Variants in REXO1 observed in about 807,000 individuals in gnomAD.
REXO1 encodes the protein RNA exonuclease 1 homolog, also known as REX1, RNA exonuclease 1 homolog.
A neutral mutation model predicts 102.6 loss-of-function variants in REXO1; 42 were observed. The observed-to-expected ratio is 0.41, with a 90% CI of 0.32 to 0.53. The LOEUF is 0.53. Among genes scored for constraint, REXO1 ranks in the 20% least tolerant of loss-of-function variants. REXO1 has a pLI of 0.27. For synonymous variants in REXO1, 908 were observed against 779.1 expected, an observed-to-expected ratio of 1.17 and a Z score of -2.76; for missense variants, 1,819 against 1,732.5, an observed-to-expected ratio of 1.05 and a Z score of -0.89.
At chr19:1,829,230 T>G (rs1450773040) in intron 1 of REXO1, among the ~76,000 whole-genome samples, 1 of 151,486 alleles carries the variant, frequency 6.6e-6, no homozygotes, top group East Asian at 1.9e-4. Context: ...TGGGCCACCC[T>G]GCAAAATCCA....
At chr19:1,828,949 A>C (rs3746037) in intron 1 of REXO1, among the ~76,000 whole-genome samples, 46,314 of 152,140 alleles carry the variant, frequency 0.3, 7,968 homozygotes, top group African/African-American at 0.45. Flanking sequence ...TGGGGTGGAC[A>C]CTCGACAGGC....
intron 1 of REXO1, chr19:1,830,655 T>C (rs914725568): frequency 3.1e-4 from 59 of 193,272 alleles, no homozygotes; most frequent in Non-Finnish European, 1.5e-4. Context: ...GTAGATGGTA[T>C]ATCCCCTTAG....
At chr19:1,816,841 T>C (rs757343436) in intron 12 of REXO1, 28 bp from the exon 13 acceptor site, 9 of 1,530,838 alleles carry the variant, frequency 5.9e-6, no homozygotes, top group Non-Finnish European at 3.6e-6. Flanking sequence ...ACCTCAGATG[T>C]GTCCCAGGCA....
chr19:1,824,527 T>C (rs1162010479), intron 3 of REXO1: 2 of 152,238 alleles, frequency 1.3e-5, no homozygotes, highest in African/African-American at 2.4e-5. Context: ...CAAAATAAAC[T>C]GATACTAACT....
At chr19:1,835,200 T>C (rs1204644096) in intron 1 of REXO1, among the ~76,000 whole-genome samples, 1 of 152,082 alleles carries the variant, frequency 6.6e-6, no homozygotes, top group African/African-American at 2.4e-5. Flanking sequence ...CAGGGTGGCA[T>C]GTGCATGCTG....
rs779159322 is a variant in REXO1, at chr19:1,827,550, C to G, written c.1239G>C (p.Ala413=). 1 of 1,591,924 alleles carries G rather than the reference C, an allele frequency of 6.3e-7. No homozygotes were observed. Among genetic ancestry groups the G allele is most frequent in the East Asian group, 2.2e-5 (1 of 44,648 alleles). The change falls in exon 2 of 16, where the codon GCG becomes GCC. Residue 413 remains alanine, a synonymous_variant. Transcript: ENST00000170168. ...GRGRPVEKPR[A]DKKGPQASSP... ...TGCTGGCCTGCGGGCCCTTCTTGTCCGCACGGGGCTTCTCCACAGGCCGCC... is the reference window on the plus strand; with the variant it reads ...TGCTGGCCTGCGGGCCCTTCTTGTCGGCACGGGGCTTCTCCACAGGCCGCC...
chr19:1,830,269 G>A (rs908209939), intron 1 of REXO1, among the ~76,000 whole-genome samples: 1 of 152,228 alleles, frequency 6.6e-6, no homozygotes, highest in Non-Finnish European at 1.5e-5. Flanking sequence ...AGCACTTTGG[G>A]AGGCTGAGGC....
rs961122942 is a variant in REXO1 at position 1,815,708 on chromosome 19, G to A, written c.*358C>T. The A allele has an allele frequency of 3.2e-5, 44 of 1,361,428 alleles. No homozygotes were observed. Among genetic ancestry groups the A allele is most frequent in the Middle Eastern group, 5.6e-4 (2 of 3,558 alleles). 84.3% of individuals were successfully genotyped at this position (1,361,428 alleles called of 1,614,324 possible). ...AACAAACCTGGGACAAGCCCGCCCC[G>A]CGACCCACGTGAGGAGCAGAGGTGC... On this transcript the variant is annotated 3_prime_UTR_variant, in exon 16 of 16. Coordinates refer to ENST00000170168, the MANE Select transcript of REXO1 (RefSeq NM_020695.4). The surrounding 1 kb of genome is among the most constrained non-coding windows in gnomAD (Gnocchi z 4.0).
At chr19:1,816,844 C>T (rs1438915576) in intron 12 of REXO1, 31 bp from the exon 13 acceptor site, 9 of 1,532,824 alleles carry the variant, frequency 5.9e-6, no homozygotes, top group Non-Finnish European at 7.2e-6. Flanking sequence ...TCAGATGTGT[C>T]CCAGGCACCG....
intron 1 of REXO1, among the ~76,000 whole-genome samples, chr19:1,840,623 G>A (rs559476185): frequency 6.6e-6 from 1 of 152,004 alleles, no homozygotes; most frequent in Non-Finnish European, 1.5e-5. Flanking sequence ...CCTGTGTTTG[G>A]AAACACTCGC....
Position 1,827,388 on chromosome 19 carries a change from C to G in REXO1, c.1401G>C (p.Pro467=), listed in dbSNP as rs377354747. Reference sequence around the variant, plus strand: ...GGCGGGGTGGGCCTCTGCCGGCCGCCGGTCGGGAGTCCCCGCTTGTGGGGC... The same window carrying G: ...GGCGGGGTGGGCCTCTGCCGGCCGCGGGTCGGGAGTCCCCGCTTGTGGGGC... ...RPSPTSGDSR[P]AAGRGPPRPL... is the part of the protein sequence containing the mutation. The change falls in exon 2 of 16, where the codon CCG becomes CCC. Residue 467 remains proline, a synonymous_variant. Transcript: ENST00000170168. 667 of 1,536,644 alleles carry G rather than the reference C, an allele frequency of 4.3e-4. 1 individual carries two copies. In the African/African-American group the frequency reaches 8.1e-3, roughly 19 times the overall value.
rs117126953 is a variant in REXO1 at position 1,844,750 on chromosome 19, C to T, written c.157+3452G>A. 3.2e-4 allele frequency among the ~76,000 whole-genome samples: 48 copies of T among 152,368 alleles called. No individual in the cohort carries two copies. The East Asian group carries it at 6.8e-3, about 21-fold the overall frequency. ...GAGGGCAGGAGCTGTGCGCCCCGCACACACGTCTGCCGCTCACTTTGCAGT... is the reference window on the plus strand; with the variant it reads ...GAGGGCAGGAGCTGTGCGCCCCGCATACACGTCTGCCGCTCACTTTGCAGT... On this transcript the variant is annotated intron_variant, in intron 1 of 15. Coordinates refer to ENST00000170168, the MANE Select transcript of REXO1 (RefSeq NM_020695.4).
intron 11 of REXO1, 166 bp downstream of exon 11, chr19:1,817,541 G>A (rs906434596): frequency 2.1e-4 from 302 of 1,459,450 alleles, no homozygotes; most frequent in Non-Finnish European, 2.6e-4. Context: ...CAGGGACAGG[G>A]CCTGGGGCCT....
rs760757751 is a variant in REXO1 at position 1,825,834 on chromosome 19, C to T, written c.2016+5G>A. 14 of 1,596,670 alleles carry T rather than the reference C, an allele frequency of 8.8e-6. No homozygotes were observed. The highest frequency in any genetic ancestry group is 1.2e-5 in the Non-Finnish European group (14 of 1,164,904). ...TCCTGCTGGCCTGGCCTCTGCGGAC[C>T]TTACCTCCTGGCCTTGCTTGGAAAG... On this transcript the variant is annotated splice_donor_5th_base_variant and intron_variant, in intron 3 of 15. Coordinates refer to ENST00000170168, the MANE Select transcript of REXO1 (RefSeq NM_020695.4).
intron 6 of REXO1, 85 bp from the exon 7 acceptor site, chr19:1,820,142 C>A: frequency 6.4e-7 from 1 of 1,565,638 alleles, no homozygotes; most frequent in Non-Finnish European, 8.6e-7. Flanking sequence ...GGGTCGGGGA[C>A]TTGCATCTCT....
intron 3 of REXO1, chr19:1,824,460 G>C (rs2069647683): frequency 6.6e-6 from 1 of 152,270 alleles, no homozygotes. Context: ...TCTTCAAAAA[G>C]CTCATGGAAA....
chr19:1,826,891 C>T lies in REXO1; in HGVS notation c.1898G>A (p.Arg633Gln), dbSNP rs751154805. 25 of 1,580,208 alleles carry T rather than the reference C, an allele frequency of 1.6e-5. No homozygotes were observed. The highest frequency in any genetic ancestry group is 6.9e-5 in the East Asian group (3 of 43,516). The change falls in exon 2 of 16, where the codon CGG becomes CAG. Residue 633 changes from arginine to glutamine, a missense_variant. Arg to Gln is a conservative substitution (Grantham distance 43, BLOSUM62 1). Transcript: ENST00000170168. The surrounding 1 kb of genome is among the most constrained non-coding windows in gnomAD (Gnocchi z 4.3). ...STSVKTEDRG[R>Q]LARQPPKEEK... Reference sequence around the variant, plus strand: ...CGCGCGCCTCACCTGCCGGGCCAGCCGGCCTCTGTCCTCCGTCTTGACGCT... The same window carrying T: ...CGCGCGCCTCACCTGCCGGGCCAGCTGGCCTCTGTCCTCCGTCTTGACGCT...
chr19:1,821,206 G>A (rs572329599), intron 5 of REXO1, among the ~76,000 whole-genome samples: 3 of 152,038 alleles, frequency 2.0e-5, no homozygotes, highest in Non-Finnish European at 4.4e-5. Context: ...ACAGCCAGGC[G>A]TGGTGGCGGG....
At chr19:1,820,174 G>A in intron 6 of REXO1, 90 bp downstream of exon 6, 1 of 1,560,364 alleles carries the variant, frequency 6.4e-7, no homozygotes, top group Non-Finnish European at 8.7e-7. Context: ...CCGGGTCACA[G>A]CTGCGGCTGA....
Sources: gnomAD v4.1 joint callset for allele counts (sites outside exome capture counted in the v4.1 genomes callset) on GRCh38, gnomAD v4.1.1 for gene constraint, Gnocchi (gnomAD v3.1) non-coding constraint, MANE v1.5 for transcripts, NCBI Gene and HGNC (gene_info 2026-07-23, HGNC 2026-07-21) for gene names.